OPCML: variants seen among roughly 807,000 people sequenced by gnomAD.
The protein encoded by OPCML is opioid binding protein/cell adhesion molecule like.
In OPCML, 13 loss-of-function variants were observed where a neutral mutation model predicts 37.8. The ratio of observed to expected loss-of-function variants is 0.34; its 90% CI spans 0.22 to 0.55. The LOEUF (loss-of-function observed/expected upper bound fraction) is 0.55, where lower values mean the gene tolerates loss of function less well. Among genes scored for constraint, OPCML ranks in the 20% least tolerant of loss-of-function variants. The pLI, the probability that OPCML is intolerant of heterozygous loss-of-function variation, is 0.91. For missense variants in OPCML, 341 were observed against 435.6 expected (o/e 0.78, Z 1.93); for synonymous variants, 176 against 168.8 (o/e 1.04, Z -0.33).
At chr11:133,462,803 A>T (rs1946886586) in intron 1 of OPCML, among the ~76,000 whole-genome samples, 1 of 152,204 alleles carries the variant, frequency 6.6e-6, no homozygotes, top group Non-Finnish European at 1.5e-5. Flanking sequence ...CATAAAATTG[A>T]CATGTGGTCC....
At chr11:132,903,744 G>T (rs200877500) in intron 2 of OPCML, among the ~76,000 whole-genome samples, 1 of 152,142 alleles carries the variant, frequency 6.6e-6, no homozygotes, top group Non-Finnish European at 1.5e-5. Flanking sequence ...TGGAACCCTA[G>T]AACAACAAAG....
intron 1 of OPCML, among the ~76,000 whole-genome samples, chr11:133,243,008 G>A (rs1344109643): frequency 6.6e-6 from 1 of 152,192 alleles, no homozygotes; most frequent in Admixed American, 6.5e-5. Flanking sequence ...TTCTGTCTCT[G>A]TTTGGTCTTC....
Position 133,208,746 on chromosome 11 carries a change from G to C in OPCML, c.62-265736C>G, listed in dbSNP as rs979829071. 6.6e-6 allele frequency among the ~76,000 whole-genome samples: 1 copy of C among 152,156 alleles called. No homozygotes were observed. Among genetic ancestry groups the C allele is most frequent in the Non-Finnish European group, 1.5e-5 (1 of 68,038 alleles). On this transcript the variant is annotated intron_variant, in intron 1 of 7. Transcript: ENST00000524381. This position sits in a 1 kb window ranked among gnomAD's most constrained non-coding sequence, Gnocchi z 8.9. ...AGGCTGCTGTAAGACTGAAGCACACGTTATCTAAAGCAATGGCCCTTCTCT... is the reference window on the plus strand; with the variant it reads ...AGGCTGCTGTAAGACTGAAGCACACCTTATCTAAAGCAATGGCCCTTCTCT...
intron 4 of OPCML, among the ~76,000 whole-genome samples, chr11:132,494,618 G>GA (rs1026345449): frequency 1.1e-4 from 16 of 151,580 alleles, no homozygotes; most frequent in African/African-American, 2.2e-4. Flanking sequence ...TCATCAGAAG[G>GA]AAAAAAAAGA....
chr11:133,326,096 C>A (rs1287924200), intron 1 of OPCML, among the ~76,000 whole-genome samples: 3 of 152,118 alleles, frequency 2.0e-5, no homozygotes, highest in African/African-American at 7.2e-5. Context: ...AAACTGAGTG[C>A]AATCCTGAAC....
intron 1 of OPCML, among the ~76,000 whole-genome samples, chr11:133,410,857 G>C (rs1273504396): frequency 1.3e-5 from 2 of 152,024 alleles, no homozygotes; most frequent in African/African-American, 4.8e-5. Flanking sequence ...GCTTTCTTGG[G>C]CCTGTGAAAA....
At chr11:133,495,569 T>C (rs12269873) in intron 1 of OPCML, among the ~76,000 whole-genome samples, 1 of 151,814 alleles carries the variant, frequency 6.6e-6, no homozygotes. Context: ...GCATCTACCG[T>C]TTTTTGATTT....
At chr11:132,821,517 T>G (rs1939984392) in intron 2 of OPCML, among the ~76,000 whole-genome samples, 1 of 152,218 alleles carries the variant, frequency 6.6e-6, no homozygotes, top group East Asian at 1.9e-4. Context: ...GATTCCCTCC[T>G]GGAAAGACTG....
intron 1 of OPCML, among the ~76,000 whole-genome samples, chr11:133,450,154 C>T (rs998424682): frequency 2.6e-5 from 4 of 151,654 alleles, no homozygotes; most frequent in African/African-American, 7.3e-5. Context: ...CACATCACTG[C>T]GATAGTCAAT....
At chr11:132,446,269 C>T (rs1332655850) in intron 4 of OPCML, among the ~76,000 whole-genome samples, 1 of 144,258 alleles carries the variant, frequency 6.9e-6, no homozygotes, top group Non-Finnish European at 1.5e-5. Context: ...GGCACATTCC[C>T]TTTAAATGAA....
chr11:132,599,060 C>T (rs866548041), intron 3 of OPCML, among the ~76,000 whole-genome samples: 21 of 152,090 alleles, frequency 1.4e-4, no homozygotes, highest in Admixed American at 3.9e-4. Context: ...TGGTGGATCA[C>T]GTGAGGCCAG....
In OPCML at chr11:133,004,660, C is replaced by T. The variant is rs143802474; in HGVS notation, c.62-61650G>A. The T allele has an allele frequency of 3.7e-4, 368 of 985,440 alleles. 1 individual carries two copies. The highest frequency in any genetic ancestry group is 5.2e-4 in the Middle Eastern group (1 of 1,914). 61.0% of individuals were successfully genotyped at this position (985,440 alleles called of 1,614,324 possible). A position where few individuals can be genotyped will look rare whatever the true frequency, so the allele number is the denominator to read the frequency against. On this transcript the variant is annotated intron_variant, in intron 1 of 7. Transcript: ENST00000524381. The stretch of plus-strand genomic sequence containing the variant: ...AACAGCTGCTCGGGAGGCCAGCTGG[C>T]GAGGGACCATGCCCTCGCTCTCCTT...
intron 1 of OPCML, among the ~76,000 whole-genome samples, chr11:133,070,461 G>T (rs1015958785): frequency 6.6e-6 from 1 of 152,134 alleles, no homozygotes; most frequent in African/African-American, 2.4e-5. Context: ...GGGAGAAAGT[G>T]AATGCTGACT....
At chr11:133,333,627 A>G (rs1943675311) in intron 1 of OPCML, among the ~76,000 whole-genome samples, 1 of 152,256 alleles carries the variant, frequency 6.6e-6, no homozygotes, top group Non-Finnish European at 1.5e-5. Flanking sequence ...CAACAAAGCA[A>G]AAATTGACAA....
Position 132,628,539 on chromosome 11 carries a change from A to G in OPCML, c.379+28548T>C, listed in dbSNP as rs1939884638. Reference sequence around the variant, plus strand: ...TCACCTGTAAGTGAATTAACCTTCTATATGCAAAGGAACCAATCTAGAGGC... The same window carrying G: ...TCACCTGTAAGTGAATTAACCTTCTGTATGCAAAGGAACCAATCTAGAGGC... On this transcript the variant is annotated intron_variant, in intron 3 of 7. Transcript: ENST00000524381. Among the ~76,000 whole-genome samples, 2 of 152,116 alleles carry G rather than the reference A, an allele frequency of 1.3e-5. 1 individual carries two copies. Among genetic ancestry groups the G allele is most frequent in the South Asian group, 4.1e-4 (2 of 4,828 alleles).
chr11:132,940,094 G>C (rs918984756), intron 2 of OPCML, among the ~76,000 whole-genome samples: 1 of 152,164 alleles, frequency 6.6e-6, no homozygotes, highest in South Asian at 2.1e-4. Flanking sequence ...CACGTTCAAA[G>C]CTTCAGTGTC....
In OPCML at chr11:133,161,051, C is replaced by T. The variant is rs371906912; in HGVS notation, c.62-218041G>A. ...CAGGCATTGGGCCGAATGGGAATTTCACAACTCCTGCCTTACCTTTCTCTT... is the reference window on the plus strand; with the variant it reads ...CAGGCATTGGGCCGAATGGGAATTTTACAACTCCTGCCTTACCTTTCTCTT... On this transcript the variant is annotated intron_variant, in intron 1 of 7. Coordinates refer to ENST00000524381, the MANE Select transcript of OPCML (RefSeq NM_001012393.5). 5.3e-5 allele frequency among the ~76,000 whole-genome samples: 8 copies of T among 152,314 alleles called. No individual in the cohort carries two copies. In the East Asian group the frequency reaches 1.5e-3, roughly 29 times the overall value.
At chr11:132,997,521 T>G (rs988513841) in intron 1 of OPCML, among the ~76,000 whole-genome samples, 1 of 152,198 alleles carries the variant, frequency 6.6e-6, no homozygotes, top group Non-Finnish European at 1.5e-5. Context: ...GGGACACAGC[T>G]GGAGAGACAG....
At chr11:132,912,880 A>T (rs1333645433) in intron 2 of OPCML, among the ~76,000 whole-genome samples, 1 of 152,206 alleles carries the variant, frequency 6.6e-6, no homozygotes, top group African/African-American at 2.4e-5. Context: ...GGGGACTTTG[A>T]AAACAACTTA....
Sources: gnomAD v4.1 joint callset for allele counts (sites outside exome capture counted in the v4.1 genomes callset) on GRCh38, gnomAD v4.1.1 for gene constraint, Gnocchi (gnomAD v3.1) non-coding constraint, MANE v1.5 for transcripts, NCBI Gene and HGNC (gene_info 2026-07-23, HGNC 2026-07-21) for gene names.